The following VPS26C variants were observed in gnomAD, a reference collection of about 807,000 sequenced individuals.
The protein encoded by VPS26C is VPS26 endosomal protein sorting factor C.
In VPS26C, 19 loss-of-function variants were observed where a neutral mutation model predicts 30.6. The ratio of observed to expected loss-of-function variants is 0.62; its 90% CI spans 0.43 to 0.91. The LOEUF is 0.91. VPS26C is among the 40% of genes least tolerant of loss of function. The pLI, the probability that VPS26C is intolerant of heterozygous loss-of-function variation, is 0.00. For synonymous variants in VPS26C, 132 were observed against 151.5 expected (o/e 0.87, Z 0.95); for missense variants, 318 against 385.1 (o/e 0.83, Z 1.46).
chr21:37,227,958 C>G, intron 6 of VPS26C, 152 bp from the exon 7 acceptor site: 1 of 1,126,680 alleles, frequency 8.9e-7, no homozygotes, highest in Non-Finnish European at 1.3e-6. Flanking sequence ...TAAGGCACAG[C>G]CACGCTCTTA....
chr21:37,259,482 A>T (rs1375541735), intron 1 of VPS26C, among the ~76,000 whole-genome samples: 1 of 152,200 alleles, frequency 6.6e-6, no homozygotes, highest in Non-Finnish European at 1.5e-5. Flanking sequence ...ATGTGCCAGA[A>T]TTTAAGAATG....
In VPS26C at chr21:37,238,612, G is replaced by A; in HGVS notation, c.202-3C>T. The stretch of plus-strand genomic sequence containing the variant: ...GTGCTGTTGATAATCTGGATAGGCT[G>A]TAAACAAAAATCAGTTCAGTCCATC... On this transcript the variant is annotated splice_region_variant and splice_polypyrimidine_tract_variant and intron_variant, in intron 2 of 7. Coordinates refer to ENST00000309117, the MANE Select transcript of VPS26C (RefSeq NM_006052.2). The A allele has an allele frequency of 6.2e-7, 1 of 1,613,214 alleles. No homozygotes were observed. Among genetic ancestry groups the A allele is most frequent in the African/African-American group, 1.3e-5 (1 of 74,932 alleles).
Position 37,251,537 on chromosome 21 carries a change from T to C in VPS26C, c.58-10898A>G, listed in dbSNP as rs2086193906. On this transcript the variant is annotated intron_variant, in intron 1 of 7. Transcript: ENST00000309117. ...TGAAAAAGAGGAAGAAAAAGCACAT[T>C]TGTACATATTTACTTGTAGATGCAT... 2.0e-5 allele frequency among the ~76,000 whole-genome samples: 3 copies of C among 152,188 alleles called. No homozygotes were observed. The South Asian group carries it at 6.2e-4, about 31-fold the overall frequency.
chr21:37,230,398 T>C (rs1602263402), intron 5 of VPS26C: 1 of 152,342 alleles, frequency 6.6e-6, no homozygotes, highest in East Asian at 1.9e-4. Context: ...AGCCTAGTAG[T>C]TCCTGTAAAG....
In VPS26C at chr21:37,234,568, T is replaced by TA. The variant is rs200619959; in HGVS notation, c.352-1127dup. Among the ~76,000 whole-genome samples, 525 of 151,582 alleles carry TA rather than the reference T, an allele frequency of 3.5e-3. 1 individual carries two copies. The highest frequency in any genetic ancestry group is 0.012 in the African/African-American group (483 of 41,386). ...GGACCACTGTTGTAATGCCAGTCTT[T>TA]AAAAAAAAATCACATAATCCACGTT... On this transcript the variant is annotated intron_variant, in intron 3 of 7. Coordinates refer to ENST00000309117, the MANE Select transcript of VPS26C (RefSeq NM_006052.2).
Position 37,228,124 on chromosome 21 carries a change from C to T in VPS26C, c.658+99G>A, listed in dbSNP as rs1306385350. 4 of 1,493,672 alleles carry T rather than the reference C, an allele frequency of 2.7e-6. No individual in the cohort carries two copies. The East Asian group carries it at 9.1e-5, about 34-fold the overall frequency. The allele number at this position is 1,493,672 out of a possible 1,614,324, so 92.5% of individuals were successfully genotyped here. ...GAGTAGCTGGGATTACAGGGGTGCGCCACTGTGCCCAGCCCCCCAGCATCC... is the reference window on the plus strand; with the variant it reads ...GAGTAGCTGGGATTACAGGGGTGCGTCACTGTGCCCAGCCCCCCAGCATCC... On this transcript the variant is annotated intron_variant, in intron 6 of 7. Transcript: ENST00000309117.
Position 37,267,224 on chromosome 21 carries a change from C to G in VPS26C, c.57+14G>C. The G allele has an allele frequency of 1.3e-6, 2 of 1,541,556 alleles. No individual in the cohort carries two copies. Among genetic ancestry groups the G allele is most frequent in the African/African-American group, 2.7e-5 (2 of 73,338 alleles). On this transcript the variant is annotated intron_variant, in intron 1 of 7. Transcript: ENST00000309117. Reference sequence around the variant, plus strand: ...CCAACCCCACCTCCATCCCCACCCCCAGCCCCCACTTACCCCGGCGTGATA... The same window carrying G: ...CCAACCCCACCTCCATCCCCACCCCGAGCCCCCACTTACCCCGGCGTGATA...
At chr21:37,235,556 A>G (rs566332647) in intron 3 of VPS26C, among the ~76,000 whole-genome samples, 2 of 152,366 alleles carry the variant, frequency 1.3e-5, no homozygotes, top group Admixed American at 6.5e-5. Context: ...ATGTGATAGG[A>G]TAAACGCTTG....
intron 1 of VPS26C, among the ~76,000 whole-genome samples, chr21:37,246,522 G>C (rs906827548): frequency 6.6e-6 from 1 of 152,108 alleles, no homozygotes; most frequent in Non-Finnish European, 1.5e-5. Context: ...CCAAGAGATG[G>C]CTAGAAAAAC....
chr21:37,260,018 A>T (rs1013064969), intron 1 of VPS26C, among the ~76,000 whole-genome samples: 1 of 152,208 alleles, frequency 6.6e-6, no homozygotes, highest in Non-Finnish European at 1.5e-5. Flanking sequence ...ACAACCTTTG[A>T]GTAGGTATCA....
chr21:37,264,122 T>G (rs971739846), intron 1 of VPS26C, among the ~76,000 whole-genome samples: 2 of 152,238 alleles, frequency 1.3e-5, no homozygotes, highest in African/African-American at 4.8e-5. Flanking sequence ...TCAGAGATTT[T>G]TGTCAATTGA....
intron 1 of VPS26C, chr21:37,261,409 T>C (rs1291598017): frequency 6.6e-6 from 1 of 152,202 alleles, no homozygotes; most frequent in Admixed American, 6.5e-5. Flanking sequence ...TTTCGGATCT[T>C]CTAAGTCCTT....
intron 1 of VPS26C, among the ~76,000 whole-genome samples, chr21:37,266,617 T>C (rs1038656419): frequency 1.9e-4 from 29 of 152,238 alleles, no homozygotes; most frequent in Non-Finnish European, 4.4e-5. Flanking sequence ...GACTGGCCAA[T>C]GTCACAAAAC....
At chr21:37,238,277 C>A (rs1487249780) in intron 3 of VPS26C, 183 bp downstream of exon 3, 9 of 649,592 alleles carry the variant, frequency 1.4e-5, no homozygotes, top group Non-Finnish European at 1.7e-5. Flanking sequence ...TCAGAAATAA[C>A]GGCCATACAT....
chr21:37,256,484 T>C (rs148448472), intron 1 of VPS26C, among the ~76,000 whole-genome samples: 4 of 152,364 alleles, frequency 2.6e-5, no homozygotes, highest in African/African-American at 9.6e-5. Context: ...AAGGGTTTCA[T>C]TGCTTTTTTG....
intron 5 of VPS26C, chr21:37,228,591 ACT>A (rs2085929627): frequency 3.9e-6 from 2 of 516,012 alleles, no homozygotes; most frequent in Non-Finnish European, 7.0e-6. Context: ...CCTGACTGAC[ACT>A]CTGTGTACAG....
rs1296206740 is a variant in VPS26C at position 37,238,501 on chromosome 21, C to A, written c.310G>T (p.Val104Phe). The A allele has an allele frequency of 6.2e-7, 1 of 1,614,176 alleles. No individual in the cohort carries two copies. Among genetic ancestry groups the A allele is most frequent in the East Asian group, 2.2e-5 (1 of 44,886 alleles). The change falls in exon 3 of 8, where the codon GTT (valine) becomes TTT (phenylalanine). Residue 104 changes from valine to phenylalanine, a missense_variant. By Grantham distance (50) the Val-to-Phe change is conservative. Coordinates refer to ENST00000309117, the MANE Select transcript of VPS26C (RefSeq NM_006052.2). ...EFPLHLKGNK[V>F]LYETYHGVFV... Reference sequence around the variant, plus strand: ...ACGCCATGATACGTCTCATACAGAACTTTGTTACCCTTCAAGTGCAGAGGA... The same window carrying A: ...ACGCCATGATACGTCTCATACAGAAATTTGTTACCCTTCAAGTGCAGAGGA...
At chr21:37,241,722 T>A (rs1243162268) in intron 1 of VPS26C, among the ~76,000 whole-genome samples, 2 of 152,146 alleles carry the variant, frequency 1.3e-5, no homozygotes, top group East Asian at 1.9e-4. Flanking sequence ...CTGGGGAGGC[T>A]GAGGTGGGAG....
chr21:37,261,826 T>G (rs2086307342), intron 1 of VPS26C: 1 of 152,114 alleles, frequency 6.6e-6, no homozygotes. Context: ...ATCAAGGTCC[T>G]TTGGAGCAGG....
Sources: allele counts gnomAD v4.1 joint callset (sites outside exome capture counted in the v4.1 genomes callset), GRCh38; gene constraint gnomAD v4.1.1; transcripts MANE v1.5; gene names NCBI Gene and HGNC (gene_info 2026-07-23, HGNC 2026-07-21).